Variants in DCAF8L2 observed in about 807,000 individuals in gnomAD.
DCAF8L2 encodes DDB1 and CUL4 associated factor 8 like 2.
For synonymous variants in DCAF8L2, 200 were observed against 190.9 expected, an observed-to-expected ratio of 1.05 and a Z score of -0.39; for missense variants, 430 against 490.7, an observed-to-expected ratio of 0.88 and a Z score of 1.17.
intron 1 of DCAF8L2, among the ~76,000 whole-genome samples, chrX:27,597,968 G>A (rs1926435056): frequency 9.0e-6 from 1 of 111,202 alleles, no homozygotes; most frequent in Non-Finnish European, 1.9e-5. Flanking sequence ...TCTCAAAGCT[G>A]GGATTTAAGG....
chrX:27,712,975 G>T (rs1395268770), intron 3 of DCAF8L2, among the ~76,000 whole-genome samples: 1 of 111,538 alleles, frequency 9.0e-6, no homozygotes, highest in Non-Finnish European at 1.9e-5. Flanking sequence ...AGTCTGTCTT[G>T]AATTAATTAA....
At chrX:27,507,902 C>A in the DCAF8L2 span, among the ~76,000 whole-genome samples, 164 of 111,094 alleles carry the variant, frequency 1.5e-3, no homozygotes, top group African/African-American at 4.9e-3. Flanking sequence ...AGTGTATATC[C>A]TTAATAGATA....
chrX:27,517,841 C>A, the DCAF8L2 span: 1 of 1,072,340 alleles, frequency 9.3e-7, no homozygotes, highest in Non-Finnish European at 1.3e-6. Flanking sequence ...GTACTTATCA[C>A]GGCCTGCTTT....
intron 3 of DCAF8L2, among the ~76,000 whole-genome samples, chrX:27,700,213 A>C (rs1931079802): frequency 2.7e-5 from 3 of 111,467 alleles, no homozygotes; most frequent in Admixed American, 9.6e-5. Context: ...AGACCAATGT[A>C]TCTAAATCTT....
intron 2 of DCAF8L2, among the ~76,000 whole-genome samples, chrX:27,637,093 G>T (rs1036209225): frequency 8.9e-6 from 1 of 112,034 alleles, no homozygotes. Context: ...AGCAAAAAAT[G>T]ACATCTGTAC....
the DCAF8L2 span, among the ~76,000 whole-genome samples, chrX:27,470,067 C>T: frequency 8.9e-6 from 1 of 111,977 alleles, no homozygotes; most frequent in Non-Finnish European, 1.9e-5. Flanking sequence ...TGTGCCTGGC[C>T]TGATCTGCTA....
In DCAF8L2 at chrX:27,724,255, A is replaced by T. The variant is rs755341454; in HGVS notation, c.-59+8084A>T. Reference sequence around the variant, plus strand: ...TTTGAAGAATTATTTTAAATAGTAGATTAAATTTATGTTTCTACTTGGTTT... The same window carrying T: ...TTTGAAGAATTATTTTAAATAGTAGTTTAAATTTATGTTTCTACTTGGTTT... On this transcript the variant is annotated intron_variant, in intron 4 of 4. Transcript: ENST00000451261. 2.7e-5 allele frequency among the ~76,000 whole-genome samples: 3 copies of T among 111,276 alleles called. No individual in the cohort carries two copies. In the South Asian group the frequency reaches 1.1e-3, roughly 41 times the overall value.
the DCAF8L2 span, among the ~76,000 whole-genome samples, chrX:27,527,987 A>ATTAATTATTAAATTAAATTTTTAAT: frequency 1.4e-5 from 1 of 70,352 alleles, no homozygotes; most frequent in African/African-American, 1.0e-4. Context: ...ATTTAATTTA[A>ATTAATTATTAAATTAAATTTTTAAT]TTAATTATTA....
intron 2 of DCAF8L2, among the ~76,000 whole-genome samples, chrX:27,642,084 G>A (rs1015163352): frequency 9.3e-6 from 1 of 107,418 alleles, no homozygotes; most frequent in Non-Finnish European, 1.9e-5. Flanking sequence ...TAGTAGAGAA[G>A]GGGTTTCACC....
intron 1 of DCAF8L2, among the ~76,000 whole-genome samples, chrX:27,615,285 A>T (rs1927406331): frequency 8.9e-6 from 1 of 112,071 alleles, no homozygotes; most frequent in South Asian, 3.7e-4. Context: ...AGAACTAAAA[A>T]GTCACACTTC....
intron 3 of DCAF8L2, among the ~76,000 whole-genome samples, chrX:27,691,590 A>G (rs1387927809): frequency 9.0e-6 from 1 of 111,705 alleles, no homozygotes; most frequent in African/African-American, 3.2e-5. Context: ...AAAAGTGTGG[A>G]TGTTATTATG....
At chrX:27,720,625 G>A (rs972568609) in intron 4 of DCAF8L2, among the ~76,000 whole-genome samples, 2 of 110,844 alleles carry the variant, frequency 1.8e-5, no homozygotes, top group East Asian at 2.8e-4. Flanking sequence ...CACCCGCCTC[G>A]GCCTCCCAAA....
intron 1 of DCAF8L2, among the ~76,000 whole-genome samples, chrX:27,603,423 T>C (rs1029257004): frequency 3.6e-5 from 4 of 111,762 alleles, no homozygotes; most frequent in African/African-American, 1.3e-4. Flanking sequence ...ATTTTAGTTA[T>C]TCACTTATTC....
At chrX:27,739,588 T>C (rs2147333136) in intron 4 of DCAF8L2, among the ~76,000 whole-genome samples, 1 of 111,927 alleles carries the variant, frequency 8.9e-6, no homozygotes, top group South Asian at 3.7e-4. Context: ...GGCTAATGAC[T>C]TCTAAATTTA....
intron 2 of DCAF8L2, among the ~76,000 whole-genome samples, chrX:27,656,242 A>AT (rs1929347343): frequency 2.7e-5 from 3 of 112,328 alleles, no homozygotes; most frequent in African/African-American, 9.7e-5. Flanking sequence ...TCTCCCAAGC[A>AT]TTTACATTTC....
At chrX:27,527,995 T>C in the DCAF8L2 span, among the ~76,000 whole-genome samples, 7 of 69,899 alleles carry the variant, frequency 1.0e-4, no homozygotes, top group African/African-American at 3.3e-4. Context: ...TAATTAATTA[T>C]TAAATTAAAT....
At chrX:27,585,293 C>A in the DCAF8L2 span, among the ~76,000 whole-genome samples, 1 of 111,449 alleles carries the variant, frequency 9.0e-6, no homozygotes, top group Non-Finnish European at 1.9e-5. Context: ...TATTGTCCAT[C>A]ATATCACTCT....
chrX:27,667,597 G>C (rs1460759385), intron 2 of DCAF8L2, among the ~76,000 whole-genome samples: 1 of 111,444 alleles, frequency 9.0e-6, no homozygotes, highest in Non-Finnish European at 1.9e-5. Context: ...GTCAGCTTGA[G>C]CAAATCAAAT....
intron 1 of DCAF8L2, among the ~76,000 whole-genome samples, chrX:27,591,014 T>A (rs200437610): frequency 1.5e-4 from 15 of 96,785 alleles, no homozygotes; most frequent in East Asian, 3.3e-4. Flanking sequence ...TATATATATA[T>A]AAATAAATAA....
Sources: gnomAD v4.1 joint callset for allele counts (sites outside exome capture counted in the v4.1 genomes callset) on GRCh38, gnomAD v4.1.1 for gene constraint, MANE v1.5 for transcripts, NCBI Gene and HGNC (gene_info 2026-07-23, HGNC 2026-07-21) for gene names.